Variants in TANC2 observed in about 807,000 individuals in gnomAD.
TANC2 encodes tetratricopeptide repeat, ankyrin repeat and coiled-coil containing 2, also known as protein TANC2.
In TANC2, 26 loss-of-function variants were observed where a neutral mutation model predicts 210.5. That is an observed-to-expected ratio of 0.12 (90% CI 0.09 to 0.17). The LOEUF (loss-of-function observed/expected upper bound fraction) is 0.17. TANC2 is among the 10% of genes least tolerant of loss of function. TANC2 has a pLI of 1.00. For missense variants in TANC2, 2,129 were observed against 2,608.9 expected (o/e 0.82, Z 4.01); for synonymous variants, 931 against 967.1 (o/e 0.96, Z 0.69).
At chr17:63,190,251 G>A (rs1338207604) in intron 5 of TANC2, among the ~76,000 whole-genome samples, 1 of 152,056 alleles carries the variant, frequency 6.6e-6, no homozygotes, top group African/African-American at 2.4e-5. Context: ...GAGGCAAGAG[G>A]ATTGCTTGAG....
intron 12 of TANC2, among the ~76,000 whole-genome samples, chr17:63,342,296 G>GT: frequency 6.6e-6 from 1 of 151,978 alleles, no homozygotes; most frequent in East Asian, 1.9e-4. Context: ...AATTACTTTT[G>GT]TACTTATCCC....
chr17:63,365,332 C>T (rs1245831736), intron 14 of TANC2, among the ~76,000 whole-genome samples: 1 of 152,160 alleles, frequency 6.6e-6, no homozygotes, highest in African/African-American at 2.4e-5. Context: ...TCCACATATC[C>T]AGTTGGTTCT....
chr17:63,355,612 T>A (rs2146909136), intron 14 of TANC2, among the ~76,000 whole-genome samples: 1 of 152,328 alleles, frequency 6.6e-6, no homozygotes, highest in East Asian at 1.9e-4. Context: ...TAGAATGCTA[T>A]CCTACGTTCC....
intron 2 of TANC2, among the ~76,000 whole-genome samples, chr17:63,036,379 C>T (rs1228837303): frequency 6.6e-6 from 1 of 152,050 alleles, no homozygotes; most frequent in African/African-American, 2.4e-5. Flanking sequence ...TACACTTTCT[C>T]CTTTGAATAG....
At chr17:63,122,852 ATTGT>A (rs1382312123) in intron 4 of TANC2, among the ~76,000 whole-genome samples, 1 of 152,236 alleles carries the variant, frequency 6.6e-6, no homozygotes, top group Non-Finnish European at 1.5e-5. Context: ...TGGAGAAAAT[ATTGT>A]TTATTATGTA....
At chr17:63,320,139 A>G (rs1451795385) in intron 11 of TANC2, among the ~76,000 whole-genome samples, 11 of 152,200 alleles carry the variant, frequency 7.2e-5, no homozygotes, top group Non-Finnish European at 1.5e-4. Context: ...GGCGCCAAGG[A>G]TAACATTTCC....
chr17:63,190,784 A>G (rs543888680), intron 5 of TANC2, among the ~76,000 whole-genome samples: 1 of 152,376 alleles, frequency 6.6e-6, no homozygotes, highest in East Asian at 1.9e-4. Context: ...AACTCATTCT[A>G]AAATACACAT....
At chr17:63,207,646 A>G (rs961339405) in intron 7 of TANC2, among the ~76,000 whole-genome samples, 1 of 152,162 alleles carries the variant, frequency 6.6e-6, no homozygotes, top group Non-Finnish European at 1.5e-5. Flanking sequence ...CATTCTGTTG[A>G]TGAAAAGTTG....
chr17:63,180,881 G>A (rs901543765), intron 5 of TANC2, among the ~76,000 whole-genome samples: 4 of 151,668 alleles, frequency 2.6e-5, no homozygotes, highest in South Asian at 2.1e-4. Context: ...AAAAGTAGCC[G>A]GCCATGGTGG....
At chr17:63,022,541 A>G (rs1487173313) in intron 2 of TANC2, among the ~76,000 whole-genome samples, 5 of 152,192 alleles carry the variant, frequency 3.3e-5, no homozygotes, top group Non-Finnish European at 7.3e-5. Context: ...CATGTAAAGA[A>G]TGAAAAAGAA....
rs552724221 is a variant in TANC2, at chr17:63,128,948, G to A, written c.323-22322G>A. On this transcript the variant is annotated intron_variant, in intron 4 of 27. Transcript: ENST00000689528. ...GAGAGCTATGTGTAAAGAATCTTAT[G>A]TTCTTCTTGGTTCAGTTGCATACTT... is the stretch of plus-strand genomic sequence containing the variant. Among the ~76,000 whole-genome samples, 586 of 152,272 alleles carry A rather than the reference G, an allele frequency of 3.8e-3. 4 individuals are homozygous for A. Among genetic ancestry groups the A allele is most frequent in the African/African-American group, 0.013 (559 of 41,548 alleles).
chr17:63,122,237 A>G (rs1372540654), intron 4 of TANC2, among the ~76,000 whole-genome samples: 1 of 152,202 alleles, frequency 6.6e-6, no homozygotes, highest in Non-Finnish European at 1.5e-5. Context: ...GAACTTTTTA[A>G]TTGTTTAATC....
At chr17:62,974,553 ATATT>A (rs2031893832) in intron 1 of TANC2, among the ~76,000 whole-genome samples, 1 of 152,190 alleles carries the variant, frequency 6.6e-6, no homozygotes, top group South Asian at 2.1e-4. Flanking sequence ...ATTCATTTAA[ATATT>A]TATTGACTAC....
intron 4 of TANC2, among the ~76,000 whole-genome samples, chr17:63,108,577 C>T (rs1305061225): frequency 2.0e-5 from 3 of 151,656 alleles, no homozygotes; most frequent in Non-Finnish European, 4.4e-5. Context: ...TTCGGGAGGC[C>T]GAGGCGGGCA....
At chr17:63,198,291 G>A (rs530434396) in intron 6 of TANC2, among the ~76,000 whole-genome samples, 1 of 152,098 alleles carries the variant, frequency 6.6e-6, no homozygotes, top group South Asian at 2.1e-4. Flanking sequence ...TACCTCCTGG[G>A]TTCAATGATT....
At chr17:63,413,067 C>G (rs2048753474) in intron 24 of TANC2, 1 of 255,206 alleles carries the variant, frequency 3.9e-6, no homozygotes, top group East Asian at 8.1e-5. Flanking sequence ...TGGTACTTAT[C>G]ATTTAAGGGA....
At chr17:63,247,150 C>T (rs1462422895) in intron 8 of TANC2, among the ~76,000 whole-genome samples, 2 of 151,964 alleles carry the variant, frequency 1.3e-5, no homozygotes, top group Non-Finnish European at 2.9e-5. Context: ...TGGATTTGTA[C>T]GAACTTGTTG....
intron 9 of TANC2, among the ~76,000 whole-genome samples, chr17:63,290,766 G>A (rs527447449): frequency 6.6e-6 from 1 of 152,088 alleles, no homozygotes; most frequent in Non-Finnish European, 1.5e-5. Context: ...AAATTTTTAA[G>A]AAGAATGTTA....
chr17:63,337,918 T>C (rs938015111), intron 11 of TANC2, among the ~76,000 whole-genome samples: 6 of 152,298 alleles, frequency 3.9e-5, no homozygotes, highest in Non-Finnish European at 8.8e-5. Context: ...TGGCCTCCAG[T>C]TCCATCCGTG....
Sources: allele counts gnomAD v4.1 joint callset (sites outside exome capture counted in the v4.1 genomes callset), GRCh38; gene constraint gnomAD v4.1.1; transcripts MANE v1.5; gene names NCBI Gene and HGNC (gene_info 2026-07-23, HGNC 2026-07-21).